The following DMRT1 variants were observed in gnomAD, a reference collection of about 807,000 sequenced individuals.
DMRT1 encodes doublesex- and mab-3-related transcription factor 1.
In DMRT1, 7 loss-of-function variants were observed where a neutral mutation model predicts 32.3. The ratio of observed to expected loss-of-function variants is 0.22; its 90% CI spans 0.12 to 0.41. The LOEUF is 0.41. DMRT1 is among the 10% of genes least tolerant of loss of function. DMRT1 has a pLI of 1.00. For synonymous variants in DMRT1, 278 were observed against 206.1 expected (o/e 1.35, Z -2.99); for missense variants, 625 against 500.5 (o/e 1.25, Z -2.37).
chr9:891,422 GCCTGGGCGA>G (rs1216417387), intron 2 of DMRT1, among the ~76,000 whole-genome samples: 1 of 149,202 alleles, frequency 6.7e-6, no homozygotes, highest in Non-Finnish European at 1.5e-5. Flanking sequence ...CTGCACTCCA[GCCTGGGCGA>G]CAGAGTGAGA....
At chr9:916,698 A>G in intron 3 of DMRT1, 65 bp from the exon 4 acceptor site, 2 of 1,561,720 alleles carry the variant, frequency 1.3e-6, no homozygotes, top group South Asian at 1.1e-5. Flanking sequence ...AGAACTAGAT[A>G]ATTATTGTAC....
intron 4 of DMRT1, among the ~76,000 whole-genome samples, chr9:929,228 C>G (rs994846435): frequency 1.3e-5 from 2 of 152,152 alleles, no homozygotes; most frequent in African/African-American, 4.8e-5. Context: ...GGATAGAAGG[C>G]AAAATGGAAA....
At chr9:913,262 T>C (rs1166415265) in intron 3 of DMRT1, among the ~76,000 whole-genome samples, 2 of 152,156 alleles carry the variant, frequency 1.3e-5, no homozygotes, top group African/African-American at 4.8e-5. Context: ...AAACCTGAAG[T>C]AGATGTGACA....
In DMRT1 at chr9:968,664, A is replaced by G. The variant is rs540208307; in HGVS notation, c.*525A>G. The stretch of plus-strand genomic sequence containing the variant: ...TATATTGTGTGTGTTGCTGTTGGAA[A>G]TAGCCCCACCCCATCCTCCCAATCC... On this transcript the variant is annotated 3_prime_UTR_variant, in exon 5 of 5. Transcript: ENST00000382276. 2 of 154,068 alleles carry G rather than the reference A, an allele frequency of 1.3e-5. No individual in the cohort carries two copies. Among genetic ancestry groups the G allele is most frequent in the Admixed American group, 1.3e-4 (2 of 15,596 alleles). The allele number at this position is 154,068 out of a possible 1,614,324, so 9.5% of individuals were successfully genotyped here.
chr9:854,384 A>G (rs1457486678), intron 2 of DMRT1, among the ~76,000 whole-genome samples: 6 of 152,146 alleles, frequency 3.9e-5, no homozygotes, highest in East Asian at 3.9e-4. Context: ...TTCCAGATCA[A>G]GTGATTCTCG....
intron 2 of DMRT1, among the ~76,000 whole-genome samples, chr9:892,231 T>A (rs1564228746): frequency 6.6e-6 from 1 of 152,322 alleles, no homozygotes; most frequent in East Asian, 1.9e-4. Context: ...TTAACCTCTG[T>A]GACGTTGTAT....
chr9:841,883 A>G lies in DMRT1; in HGVS notation c.45A>G (p.Glu15=). Residue 15 remains glutamate (E), a synonymous_variant, in exon 1 of 5, where the codon GAA becomes GAG. Coordinates refer to ENST00000382276, the MANE Select transcript of DMRT1 (RefSeq NM_021951.3). ...TCAGCAAGCCCTCTACACCGTCGGA[A>G]GCCCCTCACGCCCCCGGGGTACCGC... ...EAFSKPSTPS[E]APHAPGVPPQ... 1.9e-6 allele frequency: 3 copies of G among 1,612,438 alleles called. No homozygotes were observed. The highest frequency in any genetic ancestry group is 4.5e-5 in the East Asian group (2 of 44,838).
intron 3 of DMRT1, among the ~76,000 whole-genome samples, chr9:903,106 G>T (rs554689680): frequency 6.6e-6 from 1 of 152,258 alleles, no homozygotes; most frequent in East Asian, 1.9e-4. Context: ...TGCCTATGAT[G>T]TTTTCTTCTG....
chr9:930,775 C>T (rs1488211672), intron 4 of DMRT1, among the ~76,000 whole-genome samples: 2 of 121,090 alleles, frequency 1.7e-5, no homozygotes, highest in Admixed American at 1.6e-4. Flanking sequence ...AACTCTGGGC[C>T]TCAAGCGGCC....
chr9:960,124 T>C (rs375002884), intron 4 of DMRT1, among the ~76,000 whole-genome samples: 13 of 152,344 alleles, frequency 8.5e-5, no homozygotes, highest in African/African-American at 3.1e-4. Context: ...TGGAGTCGGC[T>C]TGCCTGTTGG....
At chr9:861,308 GCA>G (rs1564203314) in intron 2 of DMRT1, among the ~76,000 whole-genome samples, 1 of 152,094 alleles carries the variant, frequency 6.6e-6, no homozygotes, top group African/African-American at 2.4e-5. Context: ...GTTTAACAAA[GCA>G]CAGTTTGCAC....
chr9:890,694 T>G (rs1003016232), intron 2 of DMRT1, among the ~76,000 whole-genome samples: 2 of 152,068 alleles, frequency 1.3e-5, no homozygotes, highest in Non-Finnish European at 2.9e-5. Context: ...TAAGGACACT[T>G]AAACCTCTAT....
intron 3 of DMRT1, among the ~76,000 whole-genome samples, chr9:913,860 T>C (rs1005416247): frequency 7.2e-5 from 11 of 151,808 alleles, no homozygotes; most frequent in African/African-American, 2.7e-4. Context: ...GCCATTGCAC[T>C]CCAGCCTGGG....
chr9:842,925 T>C (rs557743853), intron 1 of DMRT1: 1 of 152,046 alleles, frequency 6.6e-6, no homozygotes, highest in African/African-American at 2.4e-5. Context: ...GCTAGAGGAG[T>C]CTTCAGGATC....
At chr9:913,031 T>C (rs1449329687) in intron 3 of DMRT1, among the ~76,000 whole-genome samples, 3 of 152,196 alleles carry the variant, frequency 2.0e-5, no homozygotes, top group Admixed American at 6.5e-5. Flanking sequence ...CTAAAATATA[T>C]ATACTGTTTG....
intron 3 of DMRT1, among the ~76,000 whole-genome samples, chr9:901,401 A>G (rs554248153): frequency 1.0e-3 from 155 of 152,074 alleles, no homozygotes; most frequent in Non-Finnish European, 1.8e-3. Context: ...ATCTCGGCTC[A>G]CTGCAACCTC....
intron 3 of DMRT1, among the ~76,000 whole-genome samples, chr9:902,307 C>T (rs1011772142): frequency 1.3e-5 from 2 of 150,294 alleles, no homozygotes; most frequent in Non-Finnish European, 3.0e-5. Flanking sequence ...TACCCGTTGT[C>T]TCTCGCCTCC....
At chr9:849,636 A>T (rs1409072082) in intron 2 of DMRT1, among the ~76,000 whole-genome samples, 5 of 152,152 alleles carry the variant, frequency 3.3e-5, no homozygotes, top group Non-Finnish European at 7.3e-5. Flanking sequence ...GTCAAGGAGG[A>T]TTTAACCAGA....
intron 2 of DMRT1, among the ~76,000 whole-genome samples, chr9:855,957 C>G (rs555153809): frequency 8.6e-5 from 13 of 151,662 alleles, no homozygotes; most frequent in Non-Finnish European, 1.6e-4. Flanking sequence ...TGCTCTGTCA[C>G]CCAGGCTGGA....
Sources: gnomAD v4.1 joint callset for allele counts (sites outside exome capture counted in the v4.1 genomes callset) on GRCh38, gnomAD v4.1.1 for gene constraint, MANE v1.5 for transcripts, NCBI Gene and HGNC (gene_info 2026-07-23, HGNC 2026-07-21) for gene names.